The following PCDHGA10 variants were observed in gnomAD, a reference collection of about 807,000 sequenced individuals.
PCDHGA10 encodes protocadherin gamma subfamily A, 10.
Under a neutral mutation model 59.5 loss-of-function variants are expected in PCDHGA10, and 42 were observed. The observed-to-expected ratio is 0.71, with a 90% CI of 0.55 to 0.91. The LOEUF is 0.91. PCDHGA10 is among the 40% of genes least tolerant of loss of function. PCDHGA10 has a pLI of 0.00. For missense variants in PCDHGA10, 1,111 were observed against 1,198.2 expected (o/e 0.93, Z 1.07); for synonymous variants, 511 against 517.2 (o/e 0.99, Z 0.16).
chr5:141,482,753 G>A (rs2154579665), intron 1 of PCDHGA10, among the ~76,000 whole-genome samples: 1 of 127,136 alleles, frequency 7.9e-6, no homozygotes. Context: ...GAGGGATTAT[G>A]GTATTTCATT....
In PCDHGA10 at chr5:141,476,529, A is replaced by G. The variant is rs752442904; in HGVS notation, c.2437-18278A>G. On this transcript the variant is annotated intron_variant, in intron 1 of 3. Coordinates refer to ENST00000398610, the MANE Select transcript of PCDHGA10 (RefSeq NM_018913.3). The surrounding 1 kb of genome is among the most constrained non-coding windows in gnomAD (Gnocchi z 7.6). ...GACAACAATCCTGCTTTCCCTACCCAGGAAATGAAATTGGAGATTAGCGAG... is the reference window on the plus strand; with the variant it reads ...GACAACAATCCTGCTTTCCCTACCCGGGAAATGAAATTGGAGATTAGCGAG... 2.8e-5 allele frequency: 46 copies of G among 1,614,198 alleles called. No individual in the cohort carries two copies. Among genetic ancestry groups the G allele is most frequent in the Non-Finnish European group, 3.8e-5 (45 of 1,180,044 alleles).
At chr5:141,415,754 T>TTTG (rs2095935149) in intron 1 of PCDHGA10, 143 bp downstream of exon 1, 3 of 1,385,710 alleles carry the variant, frequency 2.2e-6, no homozygotes, top group African/African-American at 1.5e-5. Context: ...TTTTTTTTTT[T>TTTG]TTTTTTTTTT....
intron 1 of PCDHGA10, among the ~76,000 whole-genome samples, chr5:141,468,946 C>T (rs1437282358): frequency 7.0e-6 from 1 of 141,900 alleles, no homozygotes; most frequent in East Asian, 2.0e-4. Context: ...ATGGGGTAAA[C>T]CTGTGGTTTT....
At chr5:141,433,377 A>ATCTG (rs1300427377) in intron 1 of PCDHGA10, among the ~76,000 whole-genome samples, 1 of 150,958 alleles carries the variant, frequency 6.6e-6, no homozygotes, top group Non-Finnish European at 1.5e-5. Context: ...CTATCTATCT[A>ATCTG]TCTATCTATC....
intron 1 of PCDHGA10, chr5:141,416,001 G>C (rs2095980823): frequency 4.0e-6 from 1 of 253,062 alleles, no homozygotes; most frequent in Non-Finnish European, 7.3e-6. Flanking sequence ...AGGCAGGTCT[G>C]GTAAGAATAG....
intron 1 of PCDHGA10, among the ~76,000 whole-genome samples, chr5:141,429,545 G>T (rs1200824675): frequency 6.6e-6 from 1 of 151,844 alleles, no homozygotes; most frequent in East Asian, 1.9e-4. Context: ...TAAGAACATG[G>T]TAATGATTTG....
intron 1 of PCDHGA10, chr5:141,426,599 A>G (rs1171205143): frequency 2.7e-6 from 1 of 377,348 alleles, no homozygotes; most frequent in Non-Finnish European, 5.4e-6. Flanking sequence ...TCATACCCTT[A>G]GAGATTGTAG....
rs749590670 is a variant in PCDHGA10, at chr5:141,415,328, A to T, written c.2153A>T (p.His718Leu). 7.9e-5 allele frequency: 127 copies of T among 1,614,184 alleles called. No individual in the cohort carries two copies. The Admixed American group carries it at 1.9e-3, about 24-fold the overall frequency. ...GCCTTCGTCATCGTGCTGCTGGCGC[A>T]CAGGCTGCGGCGCTGGCACAAGTCA... ...FLAFVIVLLA[H>L]RLRRWHKSRL... Residue 718 changes from histidine to leucine, a missense_variant, in exon 1 of 4, where the codon CAC becomes CTC. Transcript: ENST00000398610.
rs377061064 is a variant in PCDHGA10, at chr5:141,505,429, C to A, written c.2532C>A (p.Asn844Lys). 1.2e-6 allele frequency: 2 copies of A among 1,614,116 alleles called. No homozygotes were observed. Among genetic ancestry groups the A allele is most frequent in the African/African-American group, 1.3e-5 (1 of 74,938 alleles). Residue 844 changes from asparagine (N) to lysine (K), a missense_variant, in exon 3 of 4, where the codon AAC becomes AAA. Asn to Lys is a moderately conservative substitution (Grantham distance 94, BLOSUM62 0). Coordinates refer to ENST00000398610, the MANE Select transcript of PCDHGA10 (RefSeq NM_018913.3). ...QNGDDTGTWP[N>K]NQFDTEMLQA... ...GCGATGACACCGGCACCTGGCCCAA[C>A]AACCAGTTTGACACAGAGATGCTGC...
chr5:141,492,894 G>A (rs2099744893), intron 1 of PCDHGA10, among the ~76,000 whole-genome samples: 1 of 152,202 alleles, frequency 6.6e-6, no homozygotes, highest in Admixed American at 6.5e-5. Flanking sequence ...GGCTTTTGGC[G>A]CCGTCGTGAT....
At chr5:141,463,367 C>G (rs1437952082) in intron 1 of PCDHGA10, among the ~76,000 whole-genome samples, 1 of 151,748 alleles carries the variant, frequency 6.6e-6, no homozygotes, top group African/African-American at 2.4e-5. Context: ...CCTTTCCTGC[C>G]CCACAGTCTG....
At chr5:141,420,887 G>C (rs2096530920) in intron 1 of PCDHGA10, among the ~76,000 whole-genome samples, 1 of 152,204 alleles carries the variant, frequency 6.6e-6, no homozygotes, top group African/African-American at 2.4e-5. Context: ...GTGTATCATC[G>C]TTTTTAAGCT....
chr5:141,422,028 A>C, intron 1 of PCDHGA10: 1 of 1,611,196 alleles, frequency 6.2e-7, no homozygotes, highest in Non-Finnish European at 8.5e-7. Flanking sequence ...TGGTTAATGC[A>C]ACGGATCCAG....
At chr5:141,422,561 A>T in intron 1 of PCDHGA10, 1 of 1,613,992 alleles carries the variant, frequency 6.2e-7, no homozygotes, top group Non-Finnish European at 8.5e-7. Context: ...AATGTGGCAG[A>T]TGACAACGAT....
intron 1 of PCDHGA10, chr5:141,429,173 C>CA (rs1561839883): frequency 7.9e-6 from 1 of 125,872 alleles, no homozygotes; most frequent in Non-Finnish European, 1.7e-5. Flanking sequence ...TGTTTATACA[C>CA]ACACACACAC....
intron 1 of PCDHGA10, chr5:141,417,979 G>C (rs2096202372): frequency 6.2e-7 from 1 of 1,613,752 alleles, no homozygotes; most frequent in Admixed American, 1.7e-5. Context: ...TTCCGGAGGA[G>C]CTGGCCAAGG....
chr5:141,436,095 GA>G (rs2097795730), intron 1 of PCDHGA10, among the ~76,000 whole-genome samples: 2 of 152,112 alleles, frequency 1.3e-5, no homozygotes, highest in Non-Finnish European at 2.9e-5. Context: ...AATATTGAGA[GA>G]AATAGAGGAC....
chr5:141,413,353 C>A lies in PCDHGA10; in HGVS notation c.178C>A (p.Pro60Thr), dbSNP rs2095629361. The A allele has an allele frequency of 6.2e-7, 1 of 1,613,962 alleles. No individual in the cohort carries two copies. The highest frequency in any genetic ancestry group is 2.2e-5 in the East Asian group (1 of 44,862). Residue 60 changes from proline to threonine, a missense_variant, in exon 1 of 4, where the codon CCC (proline) becomes ACC (threonine). Physicochemically the swap from Pro to Thr is conservative, Grantham distance 38. Transcript: ENST00000398610. ...CATCTCCAAGGACTTGGGTCTGGCG[C>A]CCCGGGAGCTGGCGGAGCGCGGAGT... The part of the protein sequence containing the change: ...GNISKDLGLA[P>T]RELAERGVRI...
intron 2 of PCDHGA10, among the ~76,000 whole-genome samples, chr5:141,495,521 C>G (rs1385879589): frequency 6.6e-6 from 1 of 152,144 alleles, no homozygotes; most frequent in Non-Finnish European, 1.5e-5. Flanking sequence ...TTTCTCTTAC[C>G]TCTCAGTCCT....
Sources: gnomAD v4.1 joint callset for allele counts (sites outside exome capture counted in the v4.1 genomes callset) on GRCh38, gnomAD v4.1.1 for gene constraint, Gnocchi (gnomAD v3.1) non-coding constraint, MANE v1.5 for transcripts, NCBI Gene and HGNC (gene_info 2026-07-23, HGNC 2026-07-21) for gene names.